Variants in PRKCH observed in about 807,000 individuals in gnomAD.
The protein encoded by PRKCH is protein kinase C eta, also known as protein kinase C eta type.
A neutral mutation model predicts 82.5 loss-of-function variants in PRKCH; 28 were observed. That is an observed-to-expected ratio of 0.34 (90% CI 0.25 to 0.47). The LOEUF (loss-of-function observed/expected upper bound fraction) is 0.47, where lower values mean the gene tolerates loss of function less well. PRKCH is among the 20% of genes least tolerant of loss of function. The probability of loss-of-function intolerance (pLI) is 1.00; values close to 1 mark genes in which losing one functional copy is unlikely to be tolerated. For synonymous variants in PRKCH, 322 were observed against 327.4 expected, an observed-to-expected ratio of 0.98 and a Z score of 0.18; for missense variants, 705 against 881.8, an observed-to-expected ratio of 0.80 and a Z score of 2.54.
chr14:61,444,686 C>T (rs965716159), intron 3 of PRKCH, among the ~76,000 whole-genome samples: 44 of 152,294 alleles, frequency 2.9e-4, no homozygotes, highest in Admixed American at 2.7e-3. Context: ...AGAGTATGGA[C>T]TCTGACATCC....
At position 61,262,838 on chromosome 14, in the gene PRKCH, G is replaced by C. The variant is rs2045061678; in HGVS notation, c.-19+75170G>C. ...GAAAGCCAAATTAATTAAGGATAAG[G>C]ATACATATGAATGTATGTAGAAATA... On this transcript the variant is annotated intron_variant, in intron 1 of 3. Coordinates refer to the PRKCH transcript ENST00000555185. Among the ~76,000 whole-genome samples, 2 of 151,990 alleles carry C rather than the reference G, an allele frequency of 1.3e-5. 1 individual carries two copies. The highest frequency in any genetic ancestry group is 4.2e-4 in the South Asian group (2 of 4,806).
At chr14:61,509,465 A>ATC (rs1390065434) in intron 10 of PRKCH, among the ~76,000 whole-genome samples, 1 of 151,906 alleles carries the variant, frequency 6.6e-6, no homozygotes, top group Non-Finnish European at 1.5e-5. Context: ...ATAAATCAGA[A>ATC]TCTTTGCTCT....
intron 1 of PRKCH, among the ~76,000 whole-genome samples, chr14:61,315,261 A>G (rs1405878515): frequency 6.6e-6 from 1 of 152,010 alleles, no homozygotes; most frequent in East Asian, 1.9e-4. Flanking sequence ...AGTGTGTAGT[A>G]GCGGTAGTTT....
rs1162657566 is a variant in PRKCH at position 61,263,273 on chromosome 14, C to A, written c.-19+75605C>A. The stretch of plus-strand genomic sequence containing the variant: ...CATGATTCTACTGCTGCTGTATGAA[C>A]TCATAAACATATAGACTTCAATGTT... On this transcript the variant is annotated intron_variant, in intron 1 of 3. Transcript: ENST00000555185. 3.3e-5 allele frequency among the ~76,000 whole-genome samples: 5 copies of A among 152,134 alleles called. No homozygotes were observed. The South Asian group carries it at 8.3e-4, about 25-fold the overall frequency.
At chr14:61,422,350 A>G (rs1193909365) in intron 2 of PRKCH, among the ~76,000 whole-genome samples, 4 of 152,182 alleles carry the variant, frequency 2.6e-5, no homozygotes, top group Admixed American at 2.6e-4. Context: ...ATGGCCTTAC[A>G]AAGTGCTGGG....
chr14:61,272,104 T>G (rs890074205), intron 1 of PRKCH, among the ~76,000 whole-genome samples: 4 of 151,626 alleles, frequency 2.6e-5, no homozygotes, highest in African/African-American at 9.7e-5. Flanking sequence ...GGCGGGCGCC[T>G]GTAGTCCCAG....
intron 10 of PRKCH, among the ~76,000 whole-genome samples, chr14:61,513,742 A>G (rs2042781603): frequency 6.6e-6 from 1 of 152,236 alleles, no homozygotes; most frequent in African/African-American, 2.4e-5. Flanking sequence ...CATACTGTCA[A>G]ATAGTTTCGA....
chr14:61,441,683 G>A (rs1351920833), intron 2 of PRKCH, among the ~76,000 whole-genome samples: 1 of 149,110 alleles, frequency 6.7e-6, no homozygotes, highest in African/African-American at 2.5e-5. Context: ...TGTGTTACAA[G>A]TCCTCTTCTC....
At chr14:61,437,931 TAAAA>T (rs78466651) in intron 2 of PRKCH, among the ~76,000 whole-genome samples, 1 of 148,058 alleles carries the variant, frequency 6.8e-6, no homozygotes, top group South Asian at 2.1e-4. Context: ...CCCTGTCTCT[TAAAA>T]AAAAAAATCC....
intron 12 of PRKCH, among the ~76,000 whole-genome samples, chr14:61,535,984 C>T (rs1474961090): frequency 3.9e-5 from 6 of 152,134 alleles, no homozygotes; most frequent in Non-Finnish European, 8.8e-5. Context: ...ACAAGCTCAG[C>T]GTGTGTGTAT....
chr14:61,402,303 A>G (rs1380291851), intron 2 of PRKCH, among the ~76,000 whole-genome samples: 2 of 152,212 alleles, frequency 1.3e-5, no homozygotes, highest in Admixed American at 6.5e-5. Context: ...AAGTTCATTG[A>G]TACAGTTTTA....
intron 12 of PRKCH, among the ~76,000 whole-genome samples, chr14:61,541,445 A>T (rs748083287): frequency 6.6e-6 from 1 of 152,150 alleles, no homozygotes; most frequent in African/African-American, 2.4e-5. Context: ...CCTTTTCCCC[A>T]TTTAGGATCA....
At chr14:61,240,465 G>A (rs944892337) in intron 1 of PRKCH, among the ~76,000 whole-genome samples, 4 of 152,110 alleles carry the variant, frequency 2.6e-5, no homozygotes, top group African/African-American at 9.7e-5. Flanking sequence ...GTTACCTGGA[G>A]GTGGCCATGG....
intron 1 of PRKCH, among the ~76,000 whole-genome samples, chr14:61,372,273 T>C (rs138725313): frequency 2.6e-4 from 39 of 152,184 alleles, no homozygotes; most frequent in Admixed American, 5.2e-4. Context: ...TGAGGTGTCA[T>C]TGCTTTTAGG....
chr14:61,452,127 C>T (rs1884539272), intron 6 of PRKCH, among the ~76,000 whole-genome samples: 1 of 152,156 alleles, frequency 6.6e-6, no homozygotes, highest in Non-Finnish European at 1.5e-5. Context: ...GAGGGTAGCA[C>T]ACCTGCAGCA....
In PRKCH at chr14:61,466,827, A is replaced by T. The variant is rs150256957; in HGVS notation, c.1278+9148A>T. 4.8e-3 allele frequency among the ~76,000 whole-genome samples: 733 copies of T among 152,174 alleles called. 5 individuals are homozygous for T. The highest frequency in any genetic ancestry group is 0.017 in the African/African-American group (706 of 41,526). ...CTCTGCCTGCTGGGGCGTCTTTACG[A>T]TGTCAGCCTGCAAGGATGGAGTTCC... is the stretch of plus-strand genomic sequence containing the variant. On this transcript the variant is annotated intron_variant, in intron 9 of 13. Coordinates refer to ENST00000332981, the MANE Select transcript of PRKCH (RefSeq NM_006255.5).
At chr14:61,292,022 T>C (rs1444131295) in intron 1 of PRKCH, among the ~76,000 whole-genome samples, 1 of 152,148 alleles carries the variant, frequency 6.6e-6, no homozygotes, top group Non-Finnish European at 1.5e-5. Flanking sequence ...GAACCTTGTG[T>C]AGAACATTGG....
At chr14:61,234,175 T>C (rs1417734060) in intron 1 of PRKCH, among the ~76,000 whole-genome samples, 3 of 152,226 alleles carry the variant, frequency 2.0e-5, no homozygotes, top group Admixed American at 6.5e-5. Flanking sequence ...CCAGATGGGA[T>C]GAAGACATAA....
intron 9 of PRKCH, among the ~76,000 whole-genome samples, chr14:61,483,555 T>C (rs1243574183): frequency 6.6e-6 from 1 of 152,230 alleles, no homozygotes; most frequent in Non-Finnish European, 1.5e-5. Flanking sequence ...GGGATTTTTT[T>C]TTCTTCTAAT....
Sources: gnomAD v4.1 joint callset for allele counts (sites outside exome capture counted in the v4.1 genomes callset) on GRCh38, gnomAD v4.1.1 for gene constraint, MANE v1.5 for transcripts, NCBI Gene and HGNC (gene_info 2026-07-23, HGNC 2026-07-21) for gene names.